Variants in TMEM232 observed in about 807,000 individuals in gnomAD.
The protein encoded by TMEM232 is transmembrane protein 232.
In TMEM232, 80 loss-of-function variants were observed where a neutral mutation model predicts 78.8. That is an observed-to-expected ratio of 1.01 (90% CI 0.85 to 1.22). The LOEUF (loss-of-function observed/expected upper bound fraction) is 1.22, where lower values mean the gene tolerates loss of function less well. TMEM232 is among the 50% of genes most tolerant of loss of function. The pLI is 0.00. For synonymous variants in TMEM232, 297 were observed against 254.3 expected (o/e 1.17, Z -1.60); for missense variants, 881 against 742.2 (o/e 1.19, Z -2.17).
At chr5:110,664,962 A>G (rs1483756360) in intron 2 of TMEM232, among the ~76,000 whole-genome samples, 2 of 152,148 alleles carry the variant, frequency 1.3e-5, no homozygotes, top group African/African-American at 2.4e-5. Flanking sequence ...TTAGCATAAT[A>G]TATGTTACTA....
At chr5:110,395,302 C>T (rs1207622410) in intron 3 of TMEM232, among the ~76,000 whole-genome samples, 1 of 152,110 alleles carries the variant, frequency 6.6e-6, no homozygotes, top group Non-Finnish European at 1.5e-5. Context: ...ACACATTTTT[C>T]AGGATTTTTA....
chr5:110,391,326 TGAGAGA>T (rs71626630), intron 3 of TMEM232, among the ~76,000 whole-genome samples: 2 of 139,814 alleles, frequency 1.4e-5, no homozygotes, highest in Non-Finnish European at 3.0e-5. Context: ...TGTGTGTGTG[TGAGAGA>T]GAGAGAGAGA....
chr5:110,502,887 A>C (rs991945125), intron 12 of TMEM232, among the ~76,000 whole-genome samples: 10 of 152,224 alleles, frequency 6.6e-5, no homozygotes, highest in Non-Finnish European at 1.5e-4. Context: ...TTTCCTGGCT[A>C]TCTGAAGTAG....
chr5:110,673,281 C>T (rs1230143655), intron 1 of TMEM232, among the ~76,000 whole-genome samples: 1 of 150,058 alleles, frequency 6.7e-6, no homozygotes, highest in Non-Finnish European at 1.5e-5. Context: ...GGAAGGGGAA[C>T]ATCACACACC....
At chr5:110,657,118 T>C (rs927550928) in intron 2 of TMEM232, among the ~76,000 whole-genome samples, 4 of 151,962 alleles carry the variant, frequency 2.6e-5, no homozygotes, top group African/African-American at 9.7e-5. Context: ...AAGTAACAAA[T>C]AGAAGAAAAG....
At chr5:110,536,374 G>A (rs771036320) in intron 11 of TMEM232, among the ~76,000 whole-genome samples, 2 of 152,212 alleles carry the variant, frequency 1.3e-5, no homozygotes, top group Non-Finnish European at 2.9e-5. Context: ...CTCTGGTGTT[G>A]CCTGAAGGCC....
chr5:110,679,441 G>C (rs1792439031), intron 1 of TMEM232, among the ~76,000 whole-genome samples: 1 of 152,124 alleles, frequency 6.6e-6, no homozygotes, highest in Non-Finnish European at 1.5e-5. Context: ...TATCGAATGA[G>C]TCTTTTGCAA....
chr5:110,673,508 T>A (rs1791630346), intron 1 of TMEM232, among the ~76,000 whole-genome samples: 1 of 151,970 alleles, frequency 6.6e-6, no homozygotes, highest in Admixed American at 6.6e-5. Flanking sequence ...TCACGTAAGG[T>A]CGATTGGAAA....
At chr5:110,500,419 C>T (rs1472502969) in intron 12 of TMEM232, among the ~76,000 whole-genome samples, 1 of 151,510 alleles carries the variant, frequency 6.6e-6, no homozygotes, top group Non-Finnish European at 1.5e-5. Flanking sequence ...CTTAAAATGT[C>T]CAAATATTTG....
At chr5:110,728,367 A>C (rs1798358289), upstream of TMEM232, among the ~76,000 whole-genome samples, 1 of 151,960 alleles carries the variant, frequency 6.6e-6, no homozygotes, top group African/African-American at 2.4e-5. Context: ...TTGCCATTTT[A>C]ACTCAGTGGG....
intron 2 of TMEM232, among the ~76,000 whole-genome samples, chr5:110,733,395 T>C (rs1316934902): frequency 6.6e-6 from 1 of 152,130 alleles, no homozygotes; most frequent in Non-Finnish European, 1.5e-5. Flanking sequence ...CATGCACAGG[T>C]ATGTTCATTG....
chr5:110,588,801 C>G (rs1779160133), intron 10 of TMEM232, among the ~76,000 whole-genome samples: 1 of 152,080 alleles, frequency 6.6e-6, no homozygotes, highest in Admixed American at 6.6e-5. Flanking sequence ...TTGCAAACAT[C>G]TGGAAGAGAT....
At chr5:110,711,914 G>A (rs370625367) in intron 1 of TMEM232, among the ~76,000 whole-genome samples, 2 of 151,782 alleles carry the variant, frequency 1.3e-5, no homozygotes, top group Non-Finnish European at 2.9e-5. Flanking sequence ...AGACCATACC[G>A]GCTAACACAG....
chr5:110,443,895 G>A (rs892590077), intron 12 of TMEM232, among the ~76,000 whole-genome samples: 2 of 152,176 alleles, frequency 1.3e-5, no homozygotes, highest in Non-Finnish European at 2.9e-5. Flanking sequence ...CTAGGGCCTC[G>A]AATGGGAGTC....
At chr5:110,471,759 C>A (rs1460073347) in intron 12 of TMEM232, among the ~76,000 whole-genome samples, 1 of 152,004 alleles carries the variant, frequency 6.6e-6, no homozygotes, top group East Asian at 1.9e-4. Context: ...TAGAGCTAAC[C>A]TACAAAACAT....
intron 1 of TMEM232, among the ~76,000 whole-genome samples, chr5:110,693,423 C>T (rs1794377822): frequency 6.6e-6 from 1 of 152,194 alleles, no homozygotes; most frequent in Non-Finnish European, 1.5e-5. Flanking sequence ...GAATGCAGCT[C>T]CTCACCAGCA....
chr5:110,630,452 A>G (rs1375588708), intron 5 of TMEM232, among the ~76,000 whole-genome samples: 1 of 152,110 alleles, frequency 6.6e-6, no homozygotes, highest in Non-Finnish European at 1.5e-5. Flanking sequence ...ATAATCTCAC[A>G]TGTCGGGGGA....
At chr5:110,394,928 T>A (rs1010387209) in intron 3 of TMEM232, among the ~76,000 whole-genome samples, 9 of 152,112 alleles carry the variant, frequency 5.9e-5, no homozygotes, top group African/African-American at 2.2e-4. Flanking sequence ...CACTCAAAGC[T>A]TTCAGAATGG....
At chr5:110,710,132 G>A (rs1796319910) in intron 1 of TMEM232, among the ~76,000 whole-genome samples, 1 of 152,012 alleles carries the variant, frequency 6.6e-6, no homozygotes, top group African/African-American at 2.4e-5. Flanking sequence ...GCTACTAGGA[G>A]CAACTCTACG....
Sources: gnomAD v4.1 joint callset for allele counts (sites outside exome capture counted in the v4.1 genomes callset) on GRCh38, gnomAD v4.1.1 for gene constraint, MANE v1.5 for transcripts, NCBI Gene and HGNC (gene_info 2026-07-23, HGNC 2026-07-21) for gene names.